The following DCLK2 variants were observed in gnomAD, a reference collection of about 807,000 sequenced individuals.
The protein encoded by DCLK2 is doublecortin like kinase 2.
DCLK2 carries 31 observed loss-of-function variants against 78.4 expected under a neutral mutation model. The observed-to-expected ratio is 0.40, with a 90% CI of 0.30 to 0.53. The LOEUF (loss-of-function observed/expected upper bound fraction) is 0.53. DCLK2 is among the 20% of genes least tolerant of loss of function. The pLI is 0.61. For missense variants in DCLK2, 872 were observed against 973.7 expected, an observed-to-expected ratio of 0.90 and a Z score of 1.39; for synonymous variants, 407 against 374.9, an observed-to-expected ratio of 1.09 and a Z score of -0.99.
chr4:150,106,917 A>G (rs1007789938), intron 2 of DCLK2, among the ~76,000 whole-genome samples: 16 of 152,248 alleles, frequency 1.1e-4, no homozygotes, highest in African/African-American at 3.1e-4. Context: ...AAATAAAATC[A>G]TATTTAGGAC....
intron 2 of DCLK2, among the ~76,000 whole-genome samples, chr4:150,114,118 A>AT (rs1731897594): frequency 6.6e-6 from 1 of 151,986 alleles, no homozygotes. Context: ...ACTTGAAGTA[A>AT]TTTTGATTTT....
At position 150,188,684 on chromosome 4, in the gene DCLK2, G is replaced by A. The variant is rs186780201; in HGVS notation, c.757-4454G>A. 3.3e-5 allele frequency among the ~76,000 whole-genome samples: 5 copies of A among 152,152 alleles called. No homozygotes were observed. The East Asian group carries it at 5.8e-4, about 18-fold the overall frequency. On this transcript the variant is annotated intron_variant, in intron 2 of 15. Coordinates refer to ENST00000296550, the MANE Select transcript of DCLK2 (RefSeq NM_001040260.4). ...TGGGAGGCTGAGGCAGGCGGATCAC[G>A]AGGTCAGGAGATCGAGACCATCCTG...
At chr4:150,142,545 G>A (rs938939831) in intron 2 of DCLK2, among the ~76,000 whole-genome samples, 1 of 152,036 alleles carries the variant, frequency 6.6e-6, no homozygotes, top group African/African-American at 2.4e-5. Context: ...ATTCCAAATT[G>A]CTGTCAGTTT....
At chr4:150,145,922 C>G (rs1734437561) in intron 2 of DCLK2, among the ~76,000 whole-genome samples, 2 of 152,204 alleles carry the variant, frequency 1.3e-5, no homozygotes, top group Non-Finnish European at 2.9e-5. Context: ...ACCAAAAACA[C>G]AGAAACTATC....
At chr4:150,214,939 G>A (rs1740574935) in intron 5 of DCLK2, among the ~76,000 whole-genome samples, 2 of 142,566 alleles carry the variant, frequency 1.4e-5, no homozygotes, top group African/African-American at 5.2e-5. Flanking sequence ...TCCACCCTGG[G>A]TGACAGAGTG....
At chr4:150,161,388 G>A (rs1380899147) in intron 2 of DCLK2, among the ~76,000 whole-genome samples, 1 of 152,138 alleles carries the variant, frequency 6.6e-6, no homozygotes, top group Non-Finnish European at 1.5e-5. Flanking sequence ...CCAGATACAA[G>A]TCTGTGTTTG....
At position 150,102,802 on chromosome 4, in the gene DCLK2, A is replaced by G. The variant is rs775470260; in HGVS notation, c.746A>G (p.Asp249Gly). ...SGVVKRLCTL[D>G]GKQVTCLQDF... is the part of the protein sequence containing the mutation. ...GTCGTCAAGAGGCTCTGCACCCTGG[A>G]TGGAAAGCAGGTAAGATGCTTCTAG... Residue 249 changes from aspartate to glycine, a missense_variant, in exon 2 of 16, where the codon GAT (aspartate) becomes GGT (glycine). Around this residue, in one of 3 missense-constraint regions of DCLK2, gnomAD observed 567 missense variants for 593.4 expected, o/e 0.96. Transcript: ENST00000296550. 1.2e-6 allele frequency: 2 copies of G among 1,602,938 alleles called. No homozygotes were observed. The highest frequency in any genetic ancestry group is 2.2e-5 in the East Asian group (1 of 44,774).
chr4:150,079,532 C>G, intron 1 of DCLK2, 84 bp downstream of exon 1: 1 of 1,346,572 alleles, frequency 7.4e-7, no homozygotes, highest in East Asian at 2.7e-5. Flanking sequence ...GGGGAGCCCG[C>G]GGGGTGCTTT....
chr4:150,182,868 G>GT (rs1308739306), intron 2 of DCLK2, among the ~76,000 whole-genome samples: 1 of 152,074 alleles, frequency 6.6e-6, no homozygotes, highest in Non-Finnish European at 1.5e-5. Flanking sequence ...GAAATATTTT[G>GT]TTTTTTTAAC....
chr4:150,200,396 G>A (rs1472921695), intron 4 of DCLK2, among the ~76,000 whole-genome samples: 3 of 152,124 alleles, frequency 2.0e-5, no homozygotes, highest in Admixed American at 6.5e-5. Context: ...AAGTGTGTTC[G>A]ACACTTTAGC....
At chr4:150,109,264 A>G (rs1423397893) in intron 2 of DCLK2, among the ~76,000 whole-genome samples, 1 of 151,692 alleles carries the variant, frequency 6.6e-6, no homozygotes, top group Non-Finnish European at 1.5e-5. Flanking sequence ...CCTTGTTTTA[A>G]TTTTTCCTTA....
chr4:150,218,013 G>A (rs184187532), intron 5 of DCLK2, among the ~76,000 whole-genome samples: 1 of 152,082 alleles, frequency 6.6e-6, no homozygotes, highest in Non-Finnish European at 1.5e-5. Context: ...GTGGCCCTTC[G>A]CTTGGCCCCA....
chr4:150,138,291 T>C (rs1043290724), intron 2 of DCLK2, among the ~76,000 whole-genome samples: 2 of 152,216 alleles, frequency 1.3e-5, no homozygotes, highest in Admixed American at 6.5e-5. Context: ...AGGTAATCTA[T>C]GCTTCAGTTC....
At chr4:150,190,367 G>A (rs1738362672) in intron 2 of DCLK2, among the ~76,000 whole-genome samples, 1 of 152,108 alleles carries the variant, frequency 6.6e-6, no homozygotes, top group South Asian at 2.1e-4. Context: ...GAAAGGCATG[G>A]TGGTAAGAAT....
chr4:150,192,692 C>G (rs182026220), intron 2 of DCLK2, among the ~76,000 whole-genome samples: 1 of 152,048 alleles, frequency 6.6e-6, no homozygotes, highest in East Asian at 1.9e-4. Flanking sequence ...ATCCTCGAAA[C>G]AACCCAAGGC....
intron 1 of DCLK2, among the ~76,000 whole-genome samples, chr4:150,083,987 T>A (rs1336221568): frequency 6.6e-6 from 1 of 152,226 alleles, no homozygotes; most frequent in African/African-American, 2.4e-5. Flanking sequence ...ACAAGATGGC[T>A]TCAGCTAAAG....
intron 2 of DCLK2, among the ~76,000 whole-genome samples, chr4:150,176,000 G>A (rs1353750187): frequency 6.6e-6 from 1 of 152,168 alleles, no homozygotes; most frequent in East Asian, 1.9e-4. Flanking sequence ...TAAGTTGCCC[G>A]AGGCAACCAG....
intron 2 of DCLK2, among the ~76,000 whole-genome samples, chr4:150,131,934 G>A (rs1214952087): frequency 6.6e-6 from 1 of 152,126 alleles, no homozygotes; most frequent in South Asian, 2.1e-4. Context: ...TGGAAATGCA[G>A]ACCCCTTGTT....
chr4:150,127,329 A>G (rs1220288197), intron 2 of DCLK2, among the ~76,000 whole-genome samples: 2 of 152,184 alleles, frequency 1.3e-5, no homozygotes, highest in African/African-American at 4.8e-5. Context: ...TTTGCCAAAT[A>G]GTAGTTTTAT....
Sources: allele counts gnomAD v4.1 joint callset (sites outside exome capture counted in the v4.1 genomes callset), GRCh38; gene constraint gnomAD v4.1.1; regional missense constraint gnomAD v4.1.1; transcripts MANE v1.5; gene names NCBI Gene and HGNC (gene_info 2026-07-23, HGNC 2026-07-21).